CSMD1: variants seen among roughly 807,000 people sequenced by gnomAD.
CSMD1 encodes CUB and Sushi multiple domains 1.
CSMD1 carries 213 observed loss-of-function variants against 417.5 expected under a neutral mutation model. The ratio of observed to expected loss-of-function variants is 0.51; its 90% CI spans 0.46 to 0.57. CSMD1 has a LOEUF of 0.57. Among genes scored for constraint, CSMD1 ranks in the 20% least tolerant of loss-of-function variants. CSMD1 has a pLI of 0.00. For synonymous variants in CSMD1, 2,862 were observed against 1,736.8 expected, an observed-to-expected ratio of 1.65 and a Z score of -16.11; for missense variants, 6,923 against 4,529.7, an observed-to-expected ratio of 1.53 and a Z score of -15.17.
At chr8:3,656,769 T>C (rs1798131799) in intron 7 of CSMD1, among the ~76,000 whole-genome samples, 1 of 151,812 alleles carries the variant, frequency 6.6e-6, no homozygotes, top group Admixed American at 6.6e-5. Context: ...CTACTAAAAA[T>C]CCAAAAATTA....
At chr8:3,349,030 A>G (rs1048156232) in intron 21 of CSMD1, among the ~76,000 whole-genome samples, 1 of 152,188 alleles carries the variant, frequency 6.6e-6, no homozygotes, top group African/African-American at 2.4e-5. Flanking sequence ...AGAGAGCTCC[A>G]CAGGAGTCTG....
At chr8:4,634,713 G>T (rs1783075199) in intron 2 of CSMD1, among the ~76,000 whole-genome samples, 3 of 152,162 alleles carry the variant, frequency 2.0e-5, no homozygotes, top group Admixed American at 2.0e-4. Flanking sequence ...GCATTAGAGT[G>T]CTCCCTTTCC....
At chr8:4,769,267 T>G (rs559257533) in intron 1 of CSMD1, among the ~76,000 whole-genome samples, 1 of 152,174 alleles carries the variant, frequency 6.6e-6, no homozygotes, top group African/African-American at 2.4e-5. Flanking sequence ...CCAGAACAAA[T>G]TGAGTGCCTG....
At chr8:4,568,964 G>GT (rs1009969477) in intron 2 of CSMD1, among the ~76,000 whole-genome samples, 4 of 152,002 alleles carry the variant, frequency 2.6e-5, no homozygotes, top group African/African-American at 7.2e-5. Flanking sequence ...TTTTTGATGG[G>GT]TTTTTTCTTG....
At chr8:4,713,660 A>G (rs1250638310) in intron 1 of CSMD1, among the ~76,000 whole-genome samples, 1 of 152,150 alleles carries the variant, frequency 6.6e-6, no homozygotes, top group African/African-American at 2.4e-5. Context: ...TCTCTTAACA[A>G]AACAGAGGTC....
chr8:4,028,194 A>G (rs1797162210), intron 4 of CSMD1, among the ~76,000 whole-genome samples: 3 of 152,364 alleles, frequency 2.0e-5, no homozygotes, highest in South Asian at 2.1e-4. Flanking sequence ...TAGTCATCAT[A>G]TGAATTTCTC....
At chr8:4,157,082 G>T (rs972061371) in intron 3 of CSMD1, among the ~76,000 whole-genome samples, 2 of 152,282 alleles carry the variant, frequency 1.3e-5, no homozygotes, top group South Asian at 2.1e-4. Context: ...ACCCGCCATG[G>T]CCAGGGTGAC....
chr8:3,800,119 G>C (rs779235619), intron 5 of CSMD1, among the ~76,000 whole-genome samples: 2 of 152,036 alleles, frequency 1.3e-5, no homozygotes, highest in African/African-American at 4.8e-5. Context: ...AGTATATGGC[G>C]CTATTTATAT....
intron 3 of CSMD1, among the ~76,000 whole-genome samples, chr8:4,046,009 A>C (rs1057445084): frequency 6.6e-6 from 1 of 152,152 alleles, no homozygotes; most frequent in Non-Finnish European, 1.5e-5. Context: ...TGGTTCTACA[A>C]TTGTATTCAA....
At chr8:4,252,821 C>T (rs1004568924) in intron 3 of CSMD1, among the ~76,000 whole-genome samples, 1 of 152,200 alleles carries the variant, frequency 6.6e-6, no homozygotes, top group East Asian at 1.9e-4. Context: ...GCCAAGGATG[C>T]ACCAGTGATG....
intron 5 of CSMD1, among the ~76,000 whole-genome samples, chr8:3,996,714 A>G (rs1268847912): frequency 6.6e-6 from 1 of 152,226 alleles, no homozygotes; most frequent in Non-Finnish European, 1.5e-5. Context: ...TTGAAAACAA[A>G]GACAATCTAG....
At chr8:3,450,435 A>C (rs914095379) in intron 12 of CSMD1, among the ~76,000 whole-genome samples, 1 of 151,700 alleles carries the variant, frequency 6.6e-6, no homozygotes, top group Non-Finnish European at 1.5e-5. Flanking sequence ...AGCATTAGGT[A>C]TATCTCCTAA....
intron 1 of CSMD1, among the ~76,000 whole-genome samples, chr8:4,932,589 G>T (rs904083675): frequency 6.6e-6 from 1 of 152,206 alleles, no homozygotes; most frequent in Non-Finnish European, 1.5e-5. Context: ...TGATACTGCA[G>T]GATTTTGGCA....
At chr8:3,020,560 A>C (rs992108523) in intron 51 of CSMD1, among the ~76,000 whole-genome samples, 2 of 151,826 alleles carry the variant, frequency 1.3e-5, no homozygotes, top group African/African-American at 4.8e-5. Flanking sequence ...TTTTGTAGAG[A>C]TGGGGGTCTC....
chr8:4,671,233 A>C (rs977407475), intron 1 of CSMD1, among the ~76,000 whole-genome samples: 1 of 152,148 alleles, frequency 6.6e-6, no homozygotes, highest in African/African-American at 2.4e-5. Flanking sequence ...TCCTTTTACC[A>C]TTGAAGTCAT....
At chr8:3,253,449 C>G (rs1800420424) in intron 26 of CSMD1, among the ~76,000 whole-genome samples, 1 of 152,148 alleles carries the variant, frequency 6.6e-6, no homozygotes, top group East Asian at 1.9e-4. Context: ...TTACTTCCAA[C>G]TATGTGGTCA....
intron 3 of CSMD1, among the ~76,000 whole-genome samples, chr8:4,122,539 T>G (rs575021760): frequency 6.6e-6 from 1 of 152,314 alleles, no homozygotes; most frequent in Admixed American, 6.5e-5. Flanking sequence ...TTTAAATACC[T>G]GCCAGTCACC....
At chr8:4,029,691 AC>A (rs1434967221) in intron 4 of CSMD1, among the ~76,000 whole-genome samples, 1 of 152,056 alleles carries the variant, frequency 6.6e-6, no homozygotes, top group Non-Finnish European at 1.5e-5. Context: ...ACATTTCAAA[AC>A]CAACCATGCC....
Position 3,545,827 on chromosome 8 carries a change from A to C in CSMD1, c.1344+29118T>G, listed in dbSNP as rs150776872. Among the ~76,000 whole-genome samples, 404 of 152,382 alleles carry C rather than the reference A, an allele frequency of 2.7e-3. 8 individuals are homozygous for C. The highest frequency in any genetic ancestry group is 0.024 in the Admixed American group (362 of 15,308). ...AAAAGGCTCAGGAAGCAAGTTATTT[A>C]GTAGCAGAGTCTATTGGCCACAAAA... On this transcript the variant is annotated intron_variant, in intron 10 of 69. Coordinates refer to ENST00000635120, the MANE Select transcript of CSMD1 (RefSeq NM_033225.6).
Sources: gnomAD v4.1 joint callset for allele counts (sites outside exome capture counted in the v4.1 genomes callset) on GRCh38, gnomAD v4.1.1 for gene constraint, MANE v1.5 for transcripts, NCBI Gene and HGNC (gene_info 2026-07-23, HGNC 2026-07-21) for gene names.